The following VOPP1 variants were observed in gnomAD, a reference collection of about 807,000 sequenced individuals.
VOPP1 encodes the protein WW domain binding protein VOPP1.
In VOPP1, 8 loss-of-function variants were observed where a neutral mutation model predicts 23.5. The ratio of observed to expected loss-of-function variants is 0.34; its 90% confidence interval spans 0.20 to 0.61. The LOEUF (loss-of-function observed/expected upper bound fraction) is 0.61. Among genes scored for constraint, VOPP1 ranks in the 20% least tolerant of loss-of-function variants. The pLI is 0.78. For synonymous variants in VOPP1, 83 were observed against 97.3 expected, an observed-to-expected ratio of 0.85 and a Z score of 0.86; for missense variants, 174 against 238.1, an observed-to-expected ratio of 0.73 and a Z score of 1.77.
chr7:55,439,399 C>T (rs930829814), intron 4 of VOPP1, among the ~76,000 whole-genome samples: 1 of 152,128 alleles, frequency 6.6e-6, no homozygotes, highest in African/African-American at 2.4e-5. Context: ...CTGCGGTGAA[C>T]TCCTCGGCAG....
At chr7:55,461,605 A>T (rs899827465) in intron 4 of VOPP1, among the ~76,000 whole-genome samples, 1 of 151,996 alleles carries the variant, frequency 6.6e-6, no homozygotes, top group African/African-American at 2.4e-5. Flanking sequence ...TTTAGTAGAG[A>T]CACGGTTTCA....
intron 4 of VOPP1, among the ~76,000 whole-genome samples, chr7:55,473,470 G>A (rs534343545): frequency 5.3e-5 from 8 of 152,302 alleles, no homozygotes; most frequent in Admixed American, 2.6e-4. Context: ...CTCCCTGCCG[G>A]GCTAGTGTGC....
intron 1 of VOPP1, among the ~76,000 whole-genome samples, chr7:55,560,963 C>A (rs1168926631): frequency 6.6e-6 from 1 of 152,166 alleles, no homozygotes; most frequent in Non-Finnish European, 1.5e-5. Flanking sequence ...GCGTCAATCC[C>A]CAGTCTGGCA....
At position 55,456,991 on chromosome 7, in the gene VOPP1, G is replaced by A. The variant is rs139911320; in HGVS notation, n.418-20817C>T. Reference sequence around the variant, plus strand: ...ATTATAAAATATATTATTAACTATAGTCACCCTACTGTGCTGTTGAACAAT... The same window carrying A: ...ATTATAAAATATATTATTAACTATAATCACCCTACTGTGCTGTTGAACAAT... On this transcript the variant is annotated intron_variant and non_coding_transcript_variant, in intron 4 of 4. Coordinates refer to the VOPP1 transcript ENST00000462326. Among the ~76,000 whole-genome samples, 195 of 152,120 alleles carry A rather than the reference G, an allele frequency of 1.3e-3. 1 individual carries two copies. Among genetic ancestry groups the A allele is most frequent in the Non-Finnish European group, 1.8e-3 (120 of 67,990 alleles).
At chr7:55,524,875 T>TCCAGCA (rs1025735366) in intron 1 of VOPP1, among the ~76,000 whole-genome samples, 11 of 152,040 alleles carry the variant, frequency 7.2e-5, no homozygotes, top group Non-Finnish European at 1.5e-4. Flanking sequence ...AAGCTCCAAA[T>TCCAGCA]CCAGCACCAG....
chr7:55,507,015 C>T (rs1203350563), intron 2 of VOPP1, among the ~76,000 whole-genome samples: 2 of 152,206 alleles, frequency 1.3e-5, no homozygotes, highest in African/African-American at 4.8e-5. Flanking sequence ...CCTCCTGGGT[C>T]ATATCCTGGC....
downstream of VOPP1, among the ~76,000 whole-genome samples, chr7:55,470,069 T>C (rs1366742215): frequency 6.6e-6 from 1 of 151,976 alleles, no homozygotes; most frequent in Admixed American, 6.6e-5. Flanking sequence ...GGAAGCAAAA[T>C]AGAAAATGCT....
At chr7:55,561,748 CAAAAAAA>C (rs372739310) in intron 1 of VOPP1, 6 of 300,824 alleles carry the variant, frequency 2.0e-5, no homozygotes, top group African/African-American at 3.1e-5. Context: ...TCCCCTCTTC[CAAAAAAA>C]AAAAAAAACA....
At chr7:55,498,757 C>A (rs1005706339) in intron 2 of VOPP1, among the ~76,000 whole-genome samples, 3 of 151,758 alleles carry the variant, frequency 2.0e-5, no homozygotes, top group African/African-American at 7.3e-5. Flanking sequence ...TATTGCAGTA[C>A]AAATAGGCTT....
chr7:55,460,516 TTATTG>T (rs1349527223), intron 4 of VOPP1, among the ~76,000 whole-genome samples: 1 of 152,218 alleles, frequency 6.6e-6, no homozygotes, highest in Non-Finnish European at 1.5e-5. Context: ...TCCCCAACTA[TTATTG>T]TATTGAAGTC....
chr7:55,550,409 T>C (rs752955216), intron 1 of VOPP1, among the ~76,000 whole-genome samples: 12 of 152,218 alleles, frequency 7.9e-5, no homozygotes, highest in Non-Finnish European at 1.5e-4. Context: ...TTTAACTCCA[T>C]GGTCTCGTAC....
rs58951420 is a variant in VOPP1, at chr7:55,497,554, TGGGGGG to T, written c.191+53_191+58del. On this transcript the variant is annotated intron_variant, in intron 3 of 4. Transcript: ENST00000285279. ...GCATCCAAGGCTGTGACAACACTGA[TGGGGGG>T]GGGGGGGGGGCAGAGCTCTCGGGGT... 289 of 975,788 alleles carry T rather than the reference TGGGGGG, an allele frequency of 3.0e-4. 2 individuals are homozygous for T. The highest frequency in any genetic ancestry group is 5.6e-4 in the African/African-American group (29 of 52,008). The allele number at this position is 975,788 out of a possible 1,614,324, so 60.4% of individuals were successfully genotyped here.
intron 4 of VOPP1, among the ~76,000 whole-genome samples, chr7:55,438,468 A>C (rs1200026113): frequency 6.6e-6 from 1 of 152,160 alleles, no homozygotes; most frequent in Non-Finnish European, 1.5e-5. Context: ...GATCAGGGAG[A>C]CTGATGGTGG....
intron 1 of VOPP1, among the ~76,000 whole-genome samples, chr7:55,541,040 C>T (rs1002653759): frequency 3.3e-5 from 5 of 152,152 alleles, no homozygotes; most frequent in Admixed American, 1.3e-4. Flanking sequence ...AAAATACTTG[C>T]CCATTATCTA....
chr7:55,484,400 C>T (rs1209974652), intron 4 of VOPP1, among the ~76,000 whole-genome samples: 2 of 152,128 alleles, frequency 1.3e-5, no homozygotes, highest in South Asian at 4.1e-4. Context: ...AGGTGCTTTC[C>T]TTTATGATCT....
At chr7:55,438,725 A>G (rs1790891682) in intron 4 of VOPP1, among the ~76,000 whole-genome samples, 1 of 152,186 alleles carries the variant, frequency 6.6e-6, no homozygotes, top group Non-Finnish European at 1.5e-5. Context: ...AATGCTCTGG[A>G]GGGCTGTGAG....
At chr7:55,460,974 AG>A (rs1215353856) in intron 4 of VOPP1, among the ~76,000 whole-genome samples, 2 of 152,048 alleles carry the variant, frequency 1.3e-5, no homozygotes, top group African/African-American at 2.4e-5. Flanking sequence ...GAGTGGATAA[AG>A]AAACTGTGTT....
chr7:55,520,827 T>C (rs962666494), intron 2 of VOPP1, among the ~76,000 whole-genome samples: 21 of 152,152 alleles, frequency 1.4e-4, no homozygotes, highest in African/African-American at 4.8e-4. Context: ...AACCCTCACA[T>C]GTGAGCTCAC....
chr7:55,445,991 C>CT (rs3066310), intron 4 of VOPP1, among the ~76,000 whole-genome samples: 46,356 of 128,076 alleles, frequency 0.36, 8,928 homozygotes, highest in Non-Finnish European at 0.42. Flanking sequence ...CCAGGTGAAA[C>CT]TTTTTTTTTT....
Sources: gnomAD v4.1 joint callset for allele counts (sites outside exome capture counted in the v4.1 genomes callset) on GRCh38, gnomAD v4.1.1 for gene constraint, MANE v1.5 for transcripts, NCBI Gene and HGNC (gene_info 2026-07-23, HGNC 2026-07-21) for gene names.